TOGARAM2: variants seen among roughly 807,000 people sequenced by gnomAD.
TOGARAM2 encodes the protein TOG array regulator of axonemal microtubules 2, also known as TOG array regulator of axonemal microtubules protein 2.
A neutral mutation model predicts 93.3 loss-of-function variants in TOGARAM2; 85 were observed. The observed-to-expected ratio is 0.91, with a 90% confidence interval of 0.76 to 1.09. The LOEUF (loss-of-function observed/expected upper bound fraction) is 1.09, where lower values mean the gene tolerates loss of function less well. TOGARAM2 is among the 50% of genes least tolerant of loss of function. TOGARAM2 has a pLI of 0.00. For missense variants in TOGARAM2, 1,277 were observed against 1,334.5 expected, an observed-to-expected ratio of 0.96 and a Z score of 0.67; for synonymous variants, 593 against 552.8, an observed-to-expected ratio of 1.07 and a Z score of -1.02.
At chr2:29,045,490 C>T (rs1666690372) in intron 19 of TOGARAM2, 80 bp downstream of exon 19, 3 of 1,278,416 alleles carry the variant, frequency 2.3e-6, no homozygotes, top group Admixed American at 3.4e-5. Context: ...ACCATTCACC[C>T]AGTTATCTTA....
At chr2:29,008,103 A>C (rs1490716095) in intron 6 of TOGARAM2, among the ~76,000 whole-genome samples, 1 of 152,000 alleles carries the variant, frequency 6.6e-6, no homozygotes, top group Admixed American at 6.6e-5. Flanking sequence ...TGATTATTTA[A>C]ATTTATTTTG....
At position 29,023,182 on chromosome 2, in the gene TOGARAM2, G is replaced by T; in HGVS notation, c.1608G>T (p.Val536=). The change falls in exon 12 of 20, where the codon GTG becomes GTT. Residue 536 remains valine, a synonymous_variant. Coordinates refer to ENST00000379558, the MANE Select transcript of TOGARAM2 (RefSeq NM_199280.4). ...AGCTGCACGACGTGTGCTTGGTGGT[G>T]ACTGGGGAGGTGAGGCCCCCCAGCC... ...TGKLHDVCLV[V]TGEVTNLRSK... 2.5e-6 allele frequency: 4 copies of T among 1,586,190 alleles called. No individual in the cohort carries two copies. In the South Asian group the frequency reaches 4.6e-5, roughly 18 times the overall value.
In TOGARAM2 at chr2:29,005,952, CAT is replaced by C. The variant is rs898763272; in HGVS notation, c.830+2273_830+2274del. Among the ~76,000 whole-genome samples, 21 of 124,386 alleles carry C rather than the reference CAT, an allele frequency of 1.7e-4. No individual in the cohort carries two copies. In the East Asian group the frequency reaches 2.8e-3, roughly 17 times the overall value. 81.6% of individuals were successfully genotyped at this position (124,386 alleles called of 152,430 possible). Reference sequence around the variant, plus strand: ...GGAGTGTGTGTGTGGGGTATGTGTGCATATGTGTATTTGTGTGTGAGACCGTA... The same window carrying C: ...GGAGTGTGTGTGTGGGGTATGTGTGCATGTGTATTTGTGTGTGAGACCGTA... On this transcript the variant is annotated intron_variant, in intron 6 of 19. Coordinates refer to ENST00000379558, the MANE Select transcript of TOGARAM2 (RefSeq NM_199280.4).
In TOGARAM2 at chr2:29,014,540, C is replaced by A. The variant is rs1178780252; in HGVS notation, c.1023C>A (p.Asp341Glu). Residue 341 changes from aspartate to glutamate, a missense_variant, in exon 8 of 20, where the codon GAC becomes GAA. By Grantham distance (45) the Asp-to-Glu change is conservative. Transcript: ENST00000379558. ...REACPPLKEE[D>E]QKEIGTKIQV... ...CCTGCCCTCCGCTGAAAGAAGAGGA[C>A]CAGAAGGAGATCGGCACCAAGGTAC... 1.3e-5 allele frequency: 21 copies of A among 1,569,994 alleles called. No individual in the cohort carries two copies. Among genetic ancestry groups the A allele is most frequent in the Non-Finnish European group, 1.6e-5 (19 of 1,157,440 alleles).
In TOGARAM2 at chr2:29,005,994, G is replaced by GT. The variant is rs1572686417; in HGVS notation, c.830+2312_830+2313insT. On this transcript the variant is annotated intron_variant, in intron 6 of 19. Coordinates refer to ENST00000379558, the MANE Select transcript of TOGARAM2 (RefSeq NM_199280.4). Reference sequence around the variant, plus strand: ...GTGAGACCGTATGAGTGCATGTGTAGGGTGTGTATGTGTGCGTGTGTGTGT... The same window carrying GT: ...GTGAGACCGTATGAGTGCATGTGTAGTGGTGTGTATGTGTGCGTGTGTGTGT... 2.7e-4 allele frequency among the ~76,000 whole-genome samples: 8 copies of GT among 29,196 alleles called. No individual in the cohort carries two copies. In the East Asian group the frequency reaches 6.8e-3, roughly 25 times the overall value. The allele number at this position is 29,196 out of a possible 152,430, so 19.2% of individuals were successfully genotyped here. A position where few individuals can be genotyped will look rare whatever the true frequency, so the allele number is the denominator to read the frequency against.
chr2:29,035,703 G>A, intron 17 of TOGARAM2, 47 bp downstream of exon 17: 1 of 1,307,004 alleles, frequency 7.7e-7, no homozygotes, highest in Non-Finnish European at 9.9e-7. Flanking sequence ...TCCTCTGGGG[G>A]GTGCAACTTG....
chr2:29,033,108 G>A, intron 15 of TOGARAM2, 57 bp downstream of exon 15: 1 of 1,435,722 alleles, frequency 7.0e-7, no homozygotes, highest in South Asian at 1.2e-5. Flanking sequence ...TGACAGTGCT[G>A]AGCCTGGTAG....
intron 1 of TOGARAM2, among the ~76,000 whole-genome samples, chr2:28,973,342 C>T (rs1473093531): frequency 1.3e-5 from 2 of 151,474 alleles, no homozygotes; most frequent in African/African-American, 2.4e-5. Context: ...TTAGCCCCTC[C>T]CTTCCTTCCC....
intron 18 of TOGARAM2, among the ~76,000 whole-genome samples, chr2:29,043,812 T>C (rs1181078366): frequency 6.6e-6 from 1 of 152,230 alleles, no homozygotes; most frequent in East Asian, 1.9e-4. Flanking sequence ...CAGGCCCATT[T>C]TTCTCACGTT....
In TOGARAM2 at chr2:28,991,299, T is replaced by C. The variant is rs576940083; in HGVS notation, c.-110-3426T>C. Among the ~76,000 whole-genome samples the C allele has an allele frequency of 2.6e-5, 4 of 152,220 alleles. No individual in the cohort carries two copies. The East Asian group carries it at 5.8e-4, about 22-fold the overall frequency. On this transcript the variant is annotated intron_variant, in intron 1 of 19. Coordinates refer to ENST00000379558, the MANE Select transcript of TOGARAM2 (RefSeq NM_199280.4). ...CAGCCAGTGTTCTGGGAGTTCTGAG[T>C]TGGACACTGGGTGCATACTGGCTTG...
At chr2:28,971,592 C>T (rs1671947495) in intron 1 of TOGARAM2, among the ~76,000 whole-genome samples, 2 of 152,234 alleles carry the variant, frequency 1.3e-5, no homozygotes, top group African/African-American at 4.8e-5. Flanking sequence ...TGGGAAGCCA[C>T]GTTCTCTTGC....
At chr2:29,022,408 G>A (rs889598074) in intron 11 of TOGARAM2, 100 bp downstream of exon 11, 16 of 1,502,584 alleles carry the variant, frequency 1.1e-5, no homozygotes, top group Non-Finnish European at 1.4e-5. Context: ...CCACTCTGGG[G>A]TTCCAGCACC....
intron 18 of TOGARAM2, among the ~76,000 whole-genome samples, chr2:29,041,684 C>T (rs1230867608): frequency 1.3e-5 from 2 of 152,182 alleles, no homozygotes; most frequent in Non-Finnish European, 2.9e-5. Context: ...CTAGGAAGGA[C>T]AGTCTCTGGG....
intron 1 of TOGARAM2, among the ~76,000 whole-genome samples, chr2:28,986,695 G>A (rs541779643): frequency 6.6e-6 from 1 of 152,272 alleles, no homozygotes; most frequent in South Asian, 2.1e-4. Context: ...TCCAGCCTCA[G>A]CCAGGCCTCT....
At chr2:29,032,510 A>G (rs1665828712) in intron 14 of TOGARAM2, among the ~76,000 whole-genome samples, 1 of 152,182 alleles carries the variant, frequency 6.6e-6, no homozygotes, top group Non-Finnish European at 1.5e-5. Context: ...GGACTTCTAA[A>G]TGTTCCATAT....
intron 14 of TOGARAM2, among the ~76,000 whole-genome samples, chr2:29,031,244 A>G (rs767627218): frequency 8.5e-5 from 13 of 152,196 alleles, no homozygotes; most frequent in African/African-American, 1.9e-4. Flanking sequence ...ATCATTGCAC[A>G]CTACAGCCTT....
At chr2:29,022,436 G>A (rs1665016437) in intron 11 of TOGARAM2, 128 bp downstream of exon 11, 3 of 1,296,108 alleles carry the variant, frequency 2.3e-6, no homozygotes, top group East Asian at 2.5e-5. Context: ...ATAAAAGCCA[G>A]TTTGGAGGGA....
At chr2:28,962,473 C>T (rs1473358015) in intron 1 of TOGARAM2, among the ~76,000 whole-genome samples, 1 of 152,080 alleles carries the variant, frequency 6.6e-6, no homozygotes, top group Non-Finnish European at 1.5e-5. Flanking sequence ...CGTGCCCAGC[C>T]TACATATTTA....
At chr2:29,006,035 TGA>T (rs1663770120) in intron 6 of TOGARAM2, among the ~76,000 whole-genome samples, 1 of 133,802 alleles carries the variant, frequency 7.5e-6, no homozygotes, top group Non-Finnish European at 1.6e-5. Flanking sequence ...CATATGTATG[TGA>T]GTGCATGTGT....
Sources: allele counts gnomAD v4.1 joint callset (sites outside exome capture counted in the v4.1 genomes callset), GRCh38; gene constraint gnomAD v4.1.1; transcripts MANE v1.5; gene names NCBI Gene and HGNC (gene_info 2026-07-23, HGNC 2026-07-21).